Variants in TG observed in about 807,000 individuals in gnomAD.
TG encodes the protein thyroid hormones.
Under a neutral mutation model 324.7 loss-of-function variants are expected in TG, and 270 were observed. That is an observed-to-expected ratio of 0.83 (90% CI 0.75 to 0.92). TG has a LOEUF of 0.92. Among genes scored for constraint, TG ranks in the 40% least tolerant of loss-of-function variants. The pLI is 0.00. For missense variants in TG, 3,591 were observed against 3,456.4 expected, an observed-to-expected ratio of 1.04 and a Z score of -0.98; for synonymous variants, 1,401 against 1,327.0, an observed-to-expected ratio of 1.06 and a Z score of -1.21.
At chr8:133,094,242 CTTTTTTT>C (rs765931953) in intron 41 of TG, among the ~76,000 whole-genome samples, 1 of 126,574 alleles carries the variant, frequency 7.9e-6, no homozygotes, top group East Asian at 2.4e-4. Context: ...CTGTCGTTTT[CTTTTTTT>C]TTTTTTTTTT....
At chr8:132,961,689 G>T (rs2130351752) in intron 28 of TG, among the ~76,000 whole-genome samples, 1 of 152,252 alleles carries the variant, frequency 6.6e-6, no homozygotes, top group East Asian at 1.9e-4. Context: ...CTATTGAAGG[G>T]TTCCGGCCTC....
chr8:133,106,165 G>A (rs1382800021), intron 43 of TG, among the ~76,000 whole-genome samples: 2 of 152,150 alleles, frequency 1.3e-5, no homozygotes, highest in African/African-American at 2.4e-5. Context: ...CCAGGGCTGT[G>A]GGCAGCAAAG....
Position 133,068,466 on chromosome 8 carries a change from T to A in TG, c.7240-26578T>A, listed in dbSNP as rs192480844. Among the ~76,000 whole-genome samples the A allele has an allele frequency of 2.0e-5, 3 of 152,366 alleles. No individual in the cohort carries two copies. In the East Asian group the frequency reaches 5.8e-4, roughly 29 times the overall value. On this transcript the variant is annotated intron_variant, in intron 41 of 47. Coordinates refer to ENST00000220616, the MANE Select transcript of TG (RefSeq NM_003235.5). ...GGAAAGAAGCCAGATTTGAGGCCTG[T>A]CAATGCTGGGGCAAGTTTTAATTCC...
At chr8:132,957,148 A>G (rs1056147112) in intron 27 of TG, among the ~76,000 whole-genome samples, 7 of 152,270 alleles carry the variant, frequency 4.6e-5, no homozygotes, top group African/African-American at 1.4e-4. Flanking sequence ...AGGGGTTATA[A>G]CTTTCCTTGT....
chr8:132,917,633 A>G (rs773326781), intron 20 of TG, among the ~76,000 whole-genome samples: 1 of 152,038 alleles, frequency 6.6e-6, no homozygotes, highest in Non-Finnish European at 1.5e-5. Context: ...AGATGGGACC[A>G]TGGAAGGATT....
At chr8:132,880,035 T>A (rs1405425829) in intron 5 of TG, among the ~76,000 whole-genome samples, 1 of 152,196 alleles carries the variant, frequency 6.6e-6, no homozygotes. Context: ...GTCATCAACA[T>A]CTATGAGATG....
chr8:132,981,920 A>G (rs1008586913), intron 34 of TG, among the ~76,000 whole-genome samples: 2 of 152,198 alleles, frequency 1.3e-5, no homozygotes, highest in African/African-American at 4.8e-5. Flanking sequence ...AAAGTGAAGA[A>G]GGCAGAGAAG....
At chr8:132,966,456 GTCTCTC>G (rs112044771) in intron 29 of TG, 98 bp from the exon 30 acceptor site, 4 of 1,174,214 alleles carry the variant, frequency 3.4e-6, no homozygotes, top group African/African-American at 1.6e-5. Flanking sequence ...TTCTCTCTCT[GTCTCTC>G]TCTCTGTGTG....
intron 26 of TG, among the ~76,000 whole-genome samples, chr8:132,946,823 C>T (rs2130039073): frequency 6.6e-6 from 1 of 152,294 alleles, no homozygotes; most frequent in South Asian, 2.1e-4. Flanking sequence ...AAAGTGACTT[C>T]CAGCCTCTCC....
At chr8:133,124,855 G>A (rs1292746501) in intron 45 of TG, among the ~76,000 whole-genome samples, 1 of 152,140 alleles carries the variant, frequency 6.6e-6, no homozygotes, top group Non-Finnish European at 1.5e-5. Flanking sequence ...GCATTCCAGA[G>A]GCTTTTAACA....
chr8:133,029,327 G>T (rs1239012533), intron 40 of TG, among the ~76,000 whole-genome samples: 1 of 152,120 alleles, frequency 6.6e-6, no homozygotes, highest in African/African-American at 2.4e-5. Context: ...AAAGGCTTCA[G>T]ATGATGAGGT....
At chr8:133,045,301 T>G (rs540922329) in intron 41 of TG, among the ~76,000 whole-genome samples, 1 of 152,104 alleles carries the variant, frequency 6.6e-6, no homozygotes, top group South Asian at 2.1e-4. Context: ...CGTTAGAGAC[T>G]GCAGAAGTGT....
chr8:132,911,593 T>C, intron 19 of TG, 60 bp downstream of exon 19: 1 of 1,426,394 alleles, frequency 7.0e-7, no homozygotes, highest in Non-Finnish European at 9.9e-7. Context: ...GTCTCAGTTT[T>C]CTCATCTGCC....
intron 27 of TG, among the ~76,000 whole-genome samples, chr8:132,955,428 C>A (rs777692080): frequency 6.6e-5 from 10 of 152,164 alleles, no homozygotes; most frequent in Non-Finnish European, 1.5e-4. Context: ...ATCAGATGAA[C>A]AAGAATCCTT....
At chr8:132,931,200 A>T (rs1402214927) in intron 23 of TG, among the ~76,000 whole-genome samples, 2 of 152,154 alleles carry the variant, frequency 1.3e-5, no homozygotes, top group African/African-American at 2.4e-5. Context: ...TCTGTATCCT[A>T]ATCTTTATTT....
At chr8:133,102,918 G>A (rs1405753640) in intron 43 of TG, 1 of 298,180 alleles carries the variant, frequency 3.4e-6, no homozygotes, top group East Asian at 8.7e-5. Context: ...GCAGTAGGGG[G>A]AGGGCAGCCC....
chr8:133,016,697 C>T (rs1235035444), intron 37 of TG, among the ~76,000 whole-genome samples: 2 of 152,222 alleles, frequency 1.3e-5, no homozygotes, highest in Non-Finnish European at 2.9e-5. Context: ...TGAAGTATCT[C>T]TCCATGAGTG....
chr8:133,033,463 G>A (rs1836815310), intron 41 of TG, among the ~76,000 whole-genome samples: 1 of 152,170 alleles, frequency 6.6e-6, no homozygotes, highest in Non-Finnish European at 1.5e-5. Context: ...CACGGACCCA[G>A]AAAACATTTC....
intron 35 of TG, among the ~76,000 whole-genome samples, chr8:133,004,333 A>G (rs1371744441): frequency 2.0e-5 from 3 of 152,154 alleles, no homozygotes; most frequent in Non-Finnish European, 4.4e-5. Context: ...TTACCACCTC[A>G]ATGAGGAGAT....
Sources: gnomAD v4.1 joint callset for allele counts (sites outside exome capture counted in the v4.1 genomes callset) on GRCh38, gnomAD v4.1.1 for gene constraint, MANE v1.5 for transcripts, NCBI Gene and HGNC (gene_info 2026-07-23, HGNC 2026-07-21) for gene names.